Variants in GLI2 observed in about 807,000 individuals in gnomAD.
The protein encoded by GLI2 is GLI family zinc finger 2, also known as transcription activator GLI2.
A neutral mutation model predicts 78.9 loss-of-function variants in GLI2; 22 were observed. The ratio of observed to expected loss-of-function variants is 0.28; its 90% CI spans 0.20 to 0.40. The LOEUF is 0.40. Ranked by LOEUF, GLI2 falls within the 10% of genes least tolerant of loss-of-function variation. The probability of loss-of-function intolerance (pLI) is 1.00; values close to 1 mark genes in which losing one functional copy is unlikely to be tolerated. For missense variants in GLI2, 2,097 were observed against 2,213.2 expected, an observed-to-expected ratio of 0.95 and a Z score of 1.05; for synonymous variants, 974 against 963.7, an observed-to-expected ratio of 1.01 and a Z score of -0.20.
At chr2:120,834,413 T>G (rs1686510045) in intron 2 of GLI2, among the ~76,000 whole-genome samples, 1 of 152,176 alleles carries the variant, frequency 6.6e-6, no homozygotes, top group Non-Finnish European at 1.5e-5. Flanking sequence ...GTCTGAGACC[T>G]GGCCCTGGGG....
intron 3 of GLI2, among the ~76,000 whole-genome samples, chr2:120,937,970 G>A (rs918577996): frequency 1.3e-5 from 2 of 152,108 alleles, no homozygotes; most frequent in Non-Finnish European, 2.9e-5. Flanking sequence ...AACGAAGGCC[G>A]CTCCCCACAA....
intron 2 of GLI2, among the ~76,000 whole-genome samples, chr2:120,906,733 T>C (rs992076473): frequency 3.9e-5 from 6 of 151,904 alleles, no homozygotes; most frequent in Admixed American, 3.9e-4. Context: ...AAACAGGCCT[T>C]CTCCCCTGTG....
chr2:120,900,928 T>A (rs1211669552), intron 2 of GLI2, among the ~76,000 whole-genome samples: 1 of 152,200 alleles, frequency 6.6e-6, no homozygotes, highest in Non-Finnish European at 1.5e-5. Flanking sequence ...AAGAATTTGA[T>A]CCTTTTTCTT....
chr2:120,741,505 T>G (rs1164405936), intron 1 of GLI2, among the ~76,000 whole-genome samples: 1 of 150,536 alleles, frequency 6.6e-6, no homozygotes, highest in Non-Finnish European at 1.5e-5. Context: ...CCCTTCTCCT[T>G]TCTTCTCTTT....
intron 2 of GLI2, among the ~76,000 whole-genome samples, chr2:120,896,441 C>T (rs896960420): frequency 8.5e-5 from 13 of 152,076 alleles, no homozygotes; most frequent in Non-Finnish European, 1.6e-4. Context: ...ATTAGCCAGG[C>T]CCACCAAGCT....
At chr2:120,980,681 G>C (rs1460352635) in intron 10 of GLI2, among the ~76,000 whole-genome samples, 1 of 152,124 alleles carries the variant, frequency 6.6e-6, no homozygotes, top group Admixed American at 6.5e-5. Flanking sequence ...TCATAGCTAA[G>C]GAACCATTGC....
At chr2:120,753,002 A>T (rs1682922773) in intron 1 of GLI2, among the ~76,000 whole-genome samples, 1 of 152,064 alleles carries the variant, frequency 6.6e-6, no homozygotes, top group African/African-American at 2.4e-5. Flanking sequence ...GTCATTTCAC[A>T]TACATGAATA....
At chr2:120,770,344 C>A (rs1683487846) in intron 1 of GLI2, among the ~76,000 whole-genome samples, 1 of 152,164 alleles carries the variant, frequency 6.6e-6, no homozygotes, top group Non-Finnish European at 1.5e-5. Flanking sequence ...GTGGTGGGTC[C>A]CCGAGCACGG....
chr2:120,915,712 C>T (rs1679065607), intron 2 of GLI2, among the ~76,000 whole-genome samples: 1 of 152,174 alleles, frequency 6.6e-6, no homozygotes, highest in South Asian at 2.1e-4. Context: ...GATCTCAGAA[C>T]AGACCAAGGC....
chr2:120,988,869 G>A lies in GLI2; in HGVS notation c.2904G>A (p.Gln968=), dbSNP rs1683123707. The A allele has an allele frequency of 5.3e-6, 8 of 1,499,348 alleles. No homozygotes were observed. Among genetic ancestry groups the A allele is most frequent in the Admixed American group, 2.0e-5 (1 of 49,120 alleles). The allele number at this position is 1,499,348 out of a possible 1,614,324, so 92.9% of individuals were successfully genotyped here. The change falls in exon 14 of 14, where the codon CAG becomes CAA. Residue 968 remains glutamine, a synonymous_variant. Transcript: ENST00000361492. The part of the protein sequence containing the change: ...RPDALSLPRV[Q]RFHSTHNVNP... Reference sequence around the variant, plus strand: ...ATGCCCTGTCCCTGCCGCGGGTGCAGCGCTTCCACAGCACCCACAACGTGA... The same window carrying A: ...ATGCCCTGTCCCTGCCGCGGGTGCAACGCTTCCACAGCACCCACAACGTGA...
chr2:120,900,771 C>T (rs1260145802), intron 2 of GLI2, among the ~76,000 whole-genome samples: 5 of 152,178 alleles, frequency 3.3e-5, no homozygotes, highest in Non-Finnish European at 7.3e-5. Flanking sequence ...TGATGTTGAG[C>T]GGTTTGCTCA....
intron 2 of GLI2, among the ~76,000 whole-genome samples, chr2:120,833,322 T>C (rs1014357283): frequency 2.0e-5 from 3 of 151,832 alleles, no homozygotes; most frequent in Non-Finnish European, 4.4e-5. Context: ...CCCAGAAACA[T>C]TCCCCCTGCA....
At chr2:120,823,365 T>TC (rs1685878843) in intron 2 of GLI2, among the ~76,000 whole-genome samples, 1 of 151,364 alleles carries the variant, frequency 6.6e-6, no homozygotes, top group South Asian at 2.1e-4. Flanking sequence ...GGGGGAGAAA[T>TC]CCCCCCCATC....
At position 120,984,746 on chromosome 2, in the gene GLI2, A is replaced by G. The variant is rs775550466; in HGVS notation, c.1905+3A>G. 9 of 1,611,918 alleles carry G rather than the reference A, an allele frequency of 5.6e-6. No individual in the cohort carries two copies. In the Admixed American group the frequency reaches 1.5e-4, roughly 27 times the overall value. On this transcript the variant is annotated splice_donor_region_variant and intron_variant, in intron 12 of 13. Transcript: ENST00000361492. ...CCATCAAGACCGAGAGCTCCGGGGTAAGCGGAGCTGGGCAGCCCAGCCACG... is the reference window on the plus strand; with the variant it reads ...CCATCAAGACCGAGAGCTCCGGGGTGAGCGGAGCTGGGCAGCCCAGCCACG...
intron 2 of GLI2, among the ~76,000 whole-genome samples, chr2:120,892,022 C>T (rs564236062): frequency 6.3e-5 from 9 of 143,934 alleles, no homozygotes; most frequent in African/African-American, 2.0e-4. Flanking sequence ...CTTGGCTCTG[C>T]GGATTGTGGT....
intron 2 of GLI2, among the ~76,000 whole-genome samples, chr2:120,813,676 C>T (rs565016411): frequency 5.1e-4 from 78 of 152,334 alleles, no homozygotes; most frequent in Admixed American, 8.5e-4. Flanking sequence ...CCTGGCCCCT[C>T]ACTGCTGACT....
intron 8 of GLI2, chr2:120,972,646 G>A: frequency 1.9e-6 from 1 of 518,972 alleles, no homozygotes; most frequent in Non-Finnish European, 3.8e-6. Context: ...GTGCCTGACT[G>A]GGTTCCATGC....
intron 2 of GLI2, among the ~76,000 whole-genome samples, chr2:120,864,410 C>T (rs979274504): frequency 5.3e-5 from 8 of 152,176 alleles, no homozygotes; most frequent in Non-Finnish European, 8.8e-5. Context: ...CCATGTGTCT[C>T]GATGGCTGAA....
chr2:120,812,951 G>A (rs1246946598), intron 2 of GLI2, among the ~76,000 whole-genome samples: 1 of 152,198 alleles, frequency 6.6e-6, no homozygotes, highest in Non-Finnish European at 1.5e-5. Flanking sequence ...GGGGACACCT[G>A]GCCATGTTGT....
Sources: gnomAD v4.1 joint callset for allele counts (sites outside exome capture counted in the v4.1 genomes callset) on GRCh38, gnomAD v4.1.1 for gene constraint, MANE v1.5 for transcripts, NCBI Gene and HGNC (gene_info 2026-07-23, HGNC 2026-07-21) for gene names.